Variants in SLC17A1 observed in about 807,000 individuals in gnomAD.
SLC17A1 encodes sodium-dependent phosphate transport protein 1.
SLC17A1 carries 51 observed loss-of-function variants against 53.5 expected under a neutral mutation model. The ratio of observed to expected loss-of-function variants is 0.95; its 90% confidence interval spans 0.76 to 1.20. The LOEUF is 1.20. Among genes scored for constraint, SLC17A1 ranks in the 50% most tolerant of loss-of-function variants. The pLI is 0.00. For synonymous variants in SLC17A1, 179 were observed against 198.8 expected, an observed-to-expected ratio of 0.90 and a Z score of 0.84; for missense variants, 538 against 568.2, an observed-to-expected ratio of 0.95 and a Z score of 0.54.
At chr6:25,797,790 G>A (rs1385510017) in intron 12 of SLC17A1, among the ~76,000 whole-genome samples, 1 of 151,868 alleles carries the variant, frequency 6.6e-6, no homozygotes, top group African/African-American at 2.4e-5. Flanking sequence ...AGTAGAGCCG[G>A]GGTTTCACCA....
chr6:25,790,640 A>G (rs1000339805), intron 12 of SLC17A1, among the ~76,000 whole-genome samples: 3 of 152,178 alleles, frequency 2.0e-5, no homozygotes, highest in African/African-American at 7.2e-5. Context: ...GAAGCTACAA[A>G]CACATTTAAC....
chr6:25,814,982 G>GTC lies in SLC17A1; in HGVS notation c.617-1771_617-1770dup, dbSNP rs61061466. The stretch of plus-strand genomic sequence containing the variant: ...GGCTGGCCGACAAAAGCAAGACTCT[G>GTC]TCACACAAACACACACACACACACA... On this transcript the variant is annotated intron_variant, in intron 6 of 12. Transcript: ENST00000244527. Among the ~76,000 whole-genome samples, 628 of 96,914 alleles carry GTC rather than the reference G, an allele frequency of 6.5e-3. 6 individuals are homozygous for GTC. Among genetic ancestry groups the GTC allele is most frequent in the African/African-American group, 0.028 (411 of 14,810 alleles). The allele number at this position is 96,914 out of a possible 152,430, so 63.6% of individuals were successfully genotyped here.
the SLC17A1 span, among the ~76,000 whole-genome samples, chr6:25,752,675 G>A: frequency 0.016 from 2,466 of 152,118 alleles, 41 homozygotes; most frequent in Middle Eastern, 0.058. Context: ...TCTTTAGGCC[G>A]GGTGCGGTGG....
At chr6:25,732,036 T>C in the SLC17A1 span, 1 of 1,398,716 alleles carries the variant, frequency 7.1e-7, no homozygotes, top group Non-Finnish European at 9.7e-7. Flanking sequence ...CAGCAGCTTG[T>C]AGATGTAAAT....
At chr6:25,770,284 T>C in the SLC17A1 span, 3 of 1,614,110 alleles carry the variant, frequency 1.9e-6, no homozygotes, top group South Asian at 2.2e-5. Flanking sequence ...CTCCGGATTG[T>C]ACAAGGCATA....
the SLC17A1 span, among the ~76,000 whole-genome samples, chr6:25,741,029 G>A: frequency 2.6e-5 from 4 of 151,100 alleles, no homozygotes; most frequent in Non-Finnish European, 5.9e-5. Flanking sequence ...GGTGGAGGAG[G>A]TGGTAGGGAA....
chr6:25,777,060 T>C, the SLC17A1 span: 1 of 1,308,618 alleles, frequency 7.6e-7, no homozygotes, highest in Non-Finnish European at 1.0e-6. Context: ...GTACAACAGG[T>C]TGCAGGAAAT....
the SLC17A1 span, chr6:25,761,860 A>G: frequency 7.8e-6 from 7 of 895,020 alleles, no homozygotes; most frequent in Non-Finnish European, 1.0e-5. Flanking sequence ...CCTAGTTCTT[A>G]GAAAGAATTG....
chr6:25,826,471 T>C lies in SLC17A1; in HGVS notation c.197A>G (p.Asp66Gly), dbSNP rs370431727. ...LPNTSTKKLL[D>G]NIKNPMYNWS... Reference sequence around the variant, plus strand: ...AAATTATTGATGTACCTTTATATTATCCAGGAGCTTCTTTGTGGAGGTGTT... The same window carrying C: ...AAATTATTGATGTACCTTTATATTACCCAGGAGCTTCTTTGTGGAGGTGTT... Residue 66 changes from aspartate to glycine, a missense_variant, in exon 3 of 13, where the codon GAT (aspartate) becomes GGT (glycine). Transcript: ENST00000244527. The C allele has an allele frequency of 5.7e-5, 92 of 1,604,344 alleles. 3 individuals are homozygous for C. Among genetic ancestry groups the C allele is most frequent in the East Asian group, 5.1e-4 (23 of 44,702 alleles).
the SLC17A1 span, among the ~76,000 whole-genome samples, chr6:25,723,796 G>A: frequency 2.6e-5 from 4 of 152,268 alleles, no homozygotes; most frequent in South Asian, 8.3e-4. Context: ...GAGGAAGGCT[G>A]TTGGGGGGGA....
the SLC17A1 span, chr6:25,770,587 T>TAAGG: frequency 2.2e-6 from 2 of 928,138 alleles, no homozygotes; most frequent in Non-Finnish European, 3.5e-6. Context: ...GTCCTTTCCT[T>TAAGG]AAAGCACTAC....
intron 10 of SLC17A1, among the ~76,000 whole-genome samples, chr6:25,807,300 T>G (rs977459092): frequency 6.6e-6 from 1 of 152,082 alleles, no homozygotes; most frequent in Non-Finnish European, 1.5e-5. Flanking sequence ...GCCCATCAAC[T>G]GATGCGTGTA....
At chr6:25,792,668 C>T (rs1763527509) in intron 12 of SLC17A1, among the ~76,000 whole-genome samples, 1 of 152,178 alleles carries the variant, frequency 6.6e-6, no homozygotes, top group African/African-American at 2.4e-5. Context: ...CTACCCCATC[C>T]TCCTCCTTGT....
chr6:25,817,577 G>C (rs1423244038), intron 6 of SLC17A1, among the ~76,000 whole-genome samples: 2 of 152,146 alleles, frequency 1.3e-5, no homozygotes, highest in African/African-American at 4.8e-5. Context: ...CATGATAACT[G>C]TAAGTGGCAT....
the SLC17A1 span, among the ~76,000 whole-genome samples, chr6:25,763,932 A>G: frequency 6.6e-6 from 1 of 152,222 alleles, no homozygotes; most frequent in East Asian, 1.9e-4. Context: ...GAGAAGAAAG[A>G]AGATTAATAT....
At chr6:25,726,509 G>C in the SLC17A1 span, 2 of 1,610,354 alleles carry the variant, frequency 1.2e-6, no homozygotes, top group Non-Finnish European at 1.7e-6. Flanking sequence ...TTTCCTCCCT[G>C]CTTCCCTCGT....
chr6:25,737,385 G>T, the SLC17A1 span, among the ~76,000 whole-genome samples: 8 of 151,948 alleles, frequency 5.3e-5, no homozygotes, highest in African/African-American at 1.7e-4. Context: ...CCCTATGATT[G>T]CTTTCTCAAC....
At chr6:25,815,216 G>C (rs1392744117) in intron 6 of SLC17A1, among the ~76,000 whole-genome samples, 3 of 143,508 alleles carry the variant, frequency 2.1e-5, no homozygotes, top group South Asian at 2.5e-4. Flanking sequence ...AAAAAGCAAG[G>C]AAGGGAGGGA....
the SLC17A1 span, chr6:25,726,942 TC>T: frequency 1.2e-6 from 2 of 1,613,958 alleles, no homozygotes; most frequent in Non-Finnish European, 1.7e-6. Flanking sequence ...TGCTACCATT[TC>T]CAAGAAGGGC....
Sources: gnomAD v4.1 joint callset for allele counts (sites outside exome capture counted in the v4.1 genomes callset) on GRCh38, gnomAD v4.1.1 for gene constraint, MANE v1.5 for transcripts, NCBI Gene and HGNC (gene_info 2026-07-23, HGNC 2026-07-21) for gene names.